Variants in RXFP2 observed in about 807,000 individuals in gnomAD.
RXFP2 encodes relaxin family peptide receptor 2.
Under a neutral mutation model 88.6 loss-of-function variants are expected in RXFP2, and 68 were observed. That is an observed-to-expected ratio of 0.77 (90% CI 0.63 to 0.94). The LOEUF (loss-of-function observed/expected upper bound fraction) is 0.94, where lower values mean the gene tolerates loss of function less well. Ranked by LOEUF, RXFP2 falls within the 40% of genes least tolerant of loss-of-function variation. The pLI, the probability that RXFP2 is intolerant of heterozygous loss-of-function variation, is 0.00. For missense variants in RXFP2, 791 were observed against 893.9 expected (o/e 0.88, Z 1.47); for synonymous variants, 329 against 306.8 (o/e 1.07, Z -0.76).
chr13:31,786,192 T>C (rs575039328), intron 11 of RXFP2, among the ~76,000 whole-genome samples, 191 bp from the exon 12 acceptor site: 2 of 152,342 alleles, frequency 1.3e-5, no homozygotes, highest in South Asian at 4.1e-4. Flanking sequence ...AGCAAAGTGT[T>C]ACATGTAAGT....
intron 3 of RXFP2, among the ~76,000 whole-genome samples, chr13:31,764,052 A>T (rs1872428343): frequency 6.6e-6 from 1 of 152,196 alleles, no homozygotes; most frequent in Admixed American, 6.5e-5. Context: ...TAAAAGAAGA[A>T]GGGCACCTGA....
Position 31,802,735 on chromosome 13 carries a change from A to T in RXFP2, c.*330A>T. 2.8e-6 allele frequency: 1 copy of T among 352,660 alleles called. No homozygotes were observed. Among genetic ancestry groups the T allele is most frequent in the Non-Finnish European group, 5.4e-6 (1 of 184,540 alleles). The allele number at this position is 352,660 out of a possible 1,614,324, so 21.8% of individuals were successfully genotyped here. ...ACAGGTTGGCACTGTGTGGTCTTTC[A>T]CATCGGGTTGCACTGTCCATGAAAT... On this transcript the variant is annotated 3_prime_UTR_variant, in exon 18 of 18. Coordinates refer to ENST00000298386, the MANE Select transcript of RXFP2 (RefSeq NM_130806.5).
chr13:31,756,681 G>A lies in RXFP2; in HGVS notation c.95-1577G>A, dbSNP rs1269171880. Among the ~76,000 whole-genome samples the A allele has an allele frequency of 2.0e-5, 3 of 150,252 alleles. No individual in the cohort carries two copies. The East Asian group carries it at 5.9e-4, about 29-fold the overall frequency. On this transcript the variant is annotated intron_variant, in intron 1 of 17. Transcript: ENST00000298386. The stretch of plus-strand genomic sequence containing the variant: ...CTGTCGTCCAGGCTGGAGTGCAGTG[G>A]TGCCATCTTGGCTCGCTGCAACCTC...
intron 16 of RXFP2, among the ~76,000 whole-genome samples, chr13:31,795,351 C>G (rs1048735704): frequency 6.6e-6 from 1 of 151,954 alleles, no homozygotes; most frequent in Non-Finnish European, 1.5e-5. Context: ...GGTTTCACCA[C>G]GTTGGCCAGG....
chr13:31,787,596 TC>T (rs1873602382), intron 13 of RXFP2, among the ~76,000 whole-genome samples: 1 of 152,206 alleles, frequency 6.6e-6, no homozygotes, highest in Non-Finnish European at 1.5e-5. Flanking sequence ...TACATACTTT[TC>T]TTTATTCATT....
rs1392267049 is a variant in RXFP2 at position 31,774,616 on chromosome 13, C to T, written c.498-4C>T. The T allele has an allele frequency of 2.7e-6, 4 of 1,477,278 alleles. No individual in the cohort carries two copies. Among genetic ancestry groups the T allele is most frequent in the Admixed American group, 1.7e-5 (1 of 59,768 alleles). The allele number at this position is 1,477,278 out of a possible 1,614,324, so 91.5% of individuals were successfully genotyped here. A position where few individuals can be genotyped will look rare whatever the true frequency, so the allele number is the denominator to read the frequency against. On this transcript the variant is annotated splice_polypyrimidine_tract_variant and splice_region_variant and intron_variant, in intron 5 of 17. Transcript: ENST00000298386. ...ACCTGACTCTCTTATCTTATTCCTA[C>T]CAGATTTCTTCAGCATAATTGCATT...
intron 5 of RXFP2, among the ~76,000 whole-genome samples, chr13:31,774,394 A>C (rs1370229142): frequency 6.6e-6 from 1 of 152,202 alleles, no homozygotes; most frequent in East Asian, 1.9e-4. Flanking sequence ...ACTGGAGTTC[A>C]GCGTATGAAT....
At chr13:31,788,693 G>C (rs373792342) in intron 13 of RXFP2, among the ~76,000 whole-genome samples, 2 of 152,074 alleles carry the variant, frequency 1.3e-5, no homozygotes, top group East Asian at 1.9e-4. Flanking sequence ...AGACACATAG[G>C]CCAGGAAGAA....
chr13:31,787,822 G>A (rs751906365), intron 13 of RXFP2, among the ~76,000 whole-genome samples: 26 of 152,140 alleles, frequency 1.7e-4, no homozygotes, highest in Non-Finnish European at 3.2e-4. Flanking sequence ...TTGTATTTTA[G>A]TAGAGACAGG....
At chr13:31,800,774 T>G (rs1050045026) in intron 17 of RXFP2, among the ~76,000 whole-genome samples, 1 of 152,172 alleles carries the variant, frequency 6.6e-6, no homozygotes, top group Non-Finnish European at 1.5e-5. Context: ...ATTCCCTTTG[T>G]GGGCACAACA....
At chr13:31,793,500 A>G (rs1320677401) in intron 16 of RXFP2, among the ~76,000 whole-genome samples, 1 of 151,896 alleles carries the variant, frequency 6.6e-6, no homozygotes, top group Non-Finnish European at 1.5e-5. Flanking sequence ...ACTGACAAGT[A>G]AGAGATATCT....
At chr13:31,758,596 C>A (rs889619943) in intron 2 of RXFP2, among the ~76,000 whole-genome samples, 192 bp downstream of exon 2, 1 of 152,068 alleles carries the variant, frequency 6.6e-6, no homozygotes, top group African/African-American at 2.4e-5. Flanking sequence ...GTACAGGTTA[C>A]TTAAGTCAGA....
rs773809768 is a variant in RXFP2, at chr13:31,777,383, G to T, written c.649G>T (p.Asp217Tyr). The T allele has an allele frequency of 2.5e-6, 4 of 1,609,740 alleles. No individual in the cohort carries two copies. In the South Asian group the frequency reaches 3.3e-5, roughly 13 times the overall value. ...DLHQLTWLILDDNPITRISQR... is the reference protein window; with the variant it reads ...DLHQLTWLILYDNPITRISQR... Reference sequence around the variant, plus strand: ...CTTGATACATTTTGTCAGAATTCTAGATGACAATCCAATAACCAGAATTTC... The same window carrying T: ...CTTGATACATTTTGTCAGAATTCTATATGACAATCCAATAACCAGAATTTC... Residue 217 changes from aspartate (D) to tyrosine (Y), a missense_variant, in exon 8 of 18, where the codon GAT becomes TAT. Physicochemically the swap from Asp to Tyr is radical, Grantham distance 160. Transcript: ENST00000298386.
intron 5 of RXFP2, among the ~76,000 whole-genome samples, chr13:31,771,573 T>C (rs1368833204): frequency 6.6e-6 from 1 of 152,102 alleles, no homozygotes; most frequent in Non-Finnish European, 1.5e-5. Context: ...GGTGGATCTG[T>C]TGAGGTCAGA....
intron 1 of RXFP2, among the ~76,000 whole-genome samples, chr13:31,754,657 G>A (rs1012701574): frequency 1.3e-5 from 2 of 152,036 alleles, no homozygotes; most frequent in African/African-American, 2.4e-5. Flanking sequence ...CTCTTTAATC[G>A]AATGCTTAAT....
In RXFP2 at chr13:31,792,873, T is replaced by C; in HGVS notation, c.1571T>C (p.Ile524Thr). The change falls in exon 16 of 18, where the codon ATT (isoleucine) becomes ACT (threonine). Residue 524 changes from isoleucine (I) to threonine (T), a missense_variant. Physicochemically the swap from Ile to Thr is moderately conservative, Grantham distance 89 (BLOSUM62 -1). Transcript: ENST00000298386. ...TYLTLEKFLV[I>T]VFPFSNIRPG... ...TTGACTTTGGAGAAGTTCCTGGTCA[T>C]TGTCTTCCCCTTCAGTAACATTCGA... The C allele has an allele frequency of 2.0e-5, 33 of 1,614,196 alleles. No individual in the cohort carries two copies. The highest frequency in any genetic ancestry group is 2.8e-5 in the Non-Finnish European group (33 of 1,180,040).
intron 11 of RXFP2, among the ~76,000 whole-genome samples, chr13:31,785,641 A>G (rs2146285): frequency 0.34 from 52,036 of 151,450 alleles, 9,207 homozygotes; most frequent in East Asian, 0.5. Flanking sequence ...AACCATCAGC[A>G]GTTCCAGAGT....
At chr13:31,771,059 G>A (rs373673749) in intron 5 of RXFP2, among the ~76,000 whole-genome samples, 1 of 152,230 alleles carries the variant, frequency 6.6e-6, no homozygotes, top group South Asian at 2.1e-4. Context: ...AGGAGATGAT[G>A]GAGCGTATGC....
intron 8 of RXFP2, 130 bp from the exon 9 acceptor site, chr13:31,778,382 A>G: frequency 1.5e-6 from 1 of 664,732 alleles, no homozygotes; most frequent in Non-Finnish European, 2.6e-6. Flanking sequence ...CCATTTTGAA[A>G]TAGCTATATA....
Sources: gnomAD v4.1 joint callset for allele counts (sites outside exome capture counted in the v4.1 genomes callset) on GRCh38, gnomAD v4.1.1 for gene constraint, MANE v1.5 for transcripts, NCBI Gene and HGNC (gene_info 2026-07-23, HGNC 2026-07-21) for gene names.